The following ZNF536 variants were observed in gnomAD, a reference collection of about 807,000 sequenced individuals.
The protein encoded by ZNF536 is zinc finger protein 536.
Under a neutral mutation model 84.5 loss-of-function variants are expected in ZNF536, and 13 were observed. The observed-to-expected ratio is 0.15, with a 90% CI of 0.10 to 0.24. The LOEUF (loss-of-function observed/expected upper bound fraction) is 0.24. Among genes scored for constraint, ZNF536 ranks in the 10% least tolerant of loss-of-function variants. The pLI is 1.00. For synonymous variants in ZNF536, 811 were observed against 742.5 expected, an observed-to-expected ratio of 1.09 and a Z score of -1.50; for missense variants, 1,536 against 1,747.5, an observed-to-expected ratio of 0.88 and a Z score of 2.16.
At chr19:30,672,138 G>T (rs1430719686) in intron 1 of ZNF536, among the ~76,000 whole-genome samples, 1 of 152,228 alleles carries the variant, frequency 6.6e-6, no homozygotes, top group Admixed American at 6.5e-5. Context: ...CTTGGCCAGA[G>T]AAACTGAACC....
chr19:30,705,845 A>G (rs1168470166), intron 1 of ZNF536, among the ~76,000 whole-genome samples: 2 of 152,266 alleles, frequency 1.3e-5, no homozygotes, highest in Non-Finnish European at 2.9e-5. Context: ...AACCAATTCA[A>G]TACTAATGTT....
At chr19:30,256,114 T>C (rs919032413) in intron 1 of ZNF536, among the ~76,000 whole-genome samples, 5 of 152,176 alleles carry the variant, frequency 3.3e-5, no homozygotes, top group African/African-American at 1.2e-4. Flanking sequence ...CCACGTCCCC[T>C]ATATTTACAG....
At chr19:30,504,007 G>A (rs895138927) in intron 2 of ZNF536, among the ~76,000 whole-genome samples, 5 of 151,894 alleles carry the variant, frequency 3.3e-5, no homozygotes, top group Admixed American at 1.3e-4. Context: ...CAGTTGGGAA[G>A]TGTAACTGAT....
At chr19:30,410,961 T>C (rs2050470866) in intron 1 of ZNF536, among the ~76,000 whole-genome samples, 1 of 152,254 alleles carries the variant, frequency 6.6e-6, no homozygotes, top group Non-Finnish European at 1.5e-5. Flanking sequence ...CTAGCATTTA[T>C]ATACTTAAGA....
intron 1 of ZNF536, among the ~76,000 whole-genome samples, chr19:30,271,138 G>T (rs1411101333): frequency 6.6e-6 from 1 of 152,128 alleles, no homozygotes; most frequent in African/African-American, 2.4e-5. Flanking sequence ...ACTTTACCAT[G>T]CAATAGGCAA....
At chr19:30,588,180 T>C (rs1204159039) in intron 1 of ZNF536, among the ~76,000 whole-genome samples, 1 of 152,190 alleles carries the variant, frequency 6.6e-6, no homozygotes, top group East Asian at 1.9e-4. Context: ...TACTGGCTCA[T>C]ATGGTGGTCT....
At chr19:30,407,955 T>TCA (rs1342844113) in intron 1 of ZNF536, among the ~76,000 whole-genome samples, 50 of 152,246 alleles carry the variant, frequency 3.3e-4, no homozygotes, top group Non-Finnish European at 6.6e-4. Context: ...GTTTCCTTTG[T>TCA]TGAGAGGAAA....
chr19:30,314,922 C>T (rs2046631008), intron 2 of ZNF536, among the ~76,000 whole-genome samples: 1 of 152,178 alleles, frequency 6.6e-6, no homozygotes, highest in African/African-American at 2.4e-5. Context: ...GCCCCACTCT[C>T]CCTGCTGGCT....
rs181979067 is a variant in ZNF536 at position 30,256,996 on chromosome 19, A to G, written c.-189-27076A>G. Among the ~76,000 whole-genome samples the G allele has an allele frequency of 1.4e-3, 215 of 152,330 alleles. 1 individual carries two copies. The highest frequency in any genetic ancestry group is 5.0e-3 in the African/African-American group (206 of 41,586). ...ATGCAGTAAGAAATGAGGAATTCAG[A>G]TCTTAAAAGACCATTACAATTAGCT... On this transcript the variant is annotated intron_variant, in intron 1 of 5. Coordinates refer to the ZNF536 transcript ENST00000585628.
At chr19:30,477,580 G>C (rs1321312609) in intron 2 of ZNF536, among the ~76,000 whole-genome samples, 1 of 152,180 alleles carries the variant, frequency 6.6e-6, no homozygotes, top group Non-Finnish European at 1.5e-5. Context: ...GCAGTGGTTG[G>C]TTCCTTCTAC....
At chr19:30,370,047 T>C (rs745512857), upstream of ZNF536, among the ~76,000 whole-genome samples, 1 of 152,150 alleles carries the variant, frequency 6.6e-6, no homozygotes, top group Non-Finnish European at 1.5e-5. Context: ...TTATACGCAG[T>C]TTGGGATGCA....
At chr19:30,495,232 A>G (rs2054671936) in intron 2 of ZNF536, among the ~76,000 whole-genome samples, 1 of 152,194 alleles carries the variant, frequency 6.6e-6, no homozygotes, top group African/African-American at 2.4e-5. Context: ...GATGTTGGCT[A>G]TAAGGTATAG....
At chr19:30,695,689 G>A (rs1429775311) in intron 1 of ZNF536, among the ~76,000 whole-genome samples, 1 of 152,082 alleles carries the variant, frequency 6.6e-6, no homozygotes, top group African/African-American at 2.4e-5. Context: ...GGAGGGGTGG[G>A]CACATGTATA....
intron 1 of ZNF536, among the ~76,000 whole-genome samples, chr19:30,387,551 A>G (rs1190612799): frequency 6.6e-6 from 1 of 152,172 alleles, no homozygotes; most frequent in Admixed American, 6.5e-5. Flanking sequence ...AGCGATCCCA[A>G]TTTGGAAGCC....
intron 2 of ZNF536, among the ~76,000 whole-genome samples, chr19:30,483,531 C>T (rs904330996): frequency 7.2e-6 from 1 of 139,644 alleles, no homozygotes; most frequent in African/African-American, 2.6e-5. Flanking sequence ...GGGCATGGTC[C>T]AGGCGGTTCC....
At chr19:30,428,402 C>T (rs1027360958) in intron 1 of ZNF536, among the ~76,000 whole-genome samples, 1 of 152,170 alleles carries the variant, frequency 6.6e-6, no homozygotes, top group Non-Finnish European at 1.5e-5. Flanking sequence ...GACAAGTTGC[C>T]CCTTGGGACT....
intron 3 of ZNF536, among the ~76,000 whole-genome samples, chr19:30,536,274 G>A (rs1211407280): frequency 1.3e-5 from 2 of 152,114 alleles, no homozygotes; most frequent in Non-Finnish European, 2.9e-5. Context: ...TGCAGGACCT[G>A]TGTTCCTGCC....
chr19:30,548,473 G>A lies in ZNF536; in HGVS notation c.2854G>A (p.Val952Met), dbSNP rs2146202901. ...ADPPSMKVHG[V>M]DGGEEKPSGK... ...CCCCCCTTCCATGAAAGTCCACGGA[G>A]TGGATGGTGGTGAGGAGAAACCCAG... Residue 952 changes from valine (V) to methionine (M), a missense_variant, in exon 4 of 5, where the codon GTG (valine) becomes ATG (methionine). By Grantham distance (21) the Val-to-Met change is conservative (BLOSUM62 1). Coordinates refer to ENST00000355537, the MANE Select transcript of ZNF536 (RefSeq NM_014717.3). 6.2e-7 allele frequency: 1 copy of A among 1,614,210 alleles called. No homozygotes were observed. The highest frequency in any genetic ancestry group is 8.5e-7 in the Non-Finnish European group (1 of 1,180,050).
At chr19:30,607,879 A>G (rs2047955595) in intron 1 of ZNF536, among the ~76,000 whole-genome samples, 1 of 152,112 alleles carries the variant, frequency 6.6e-6, no homozygotes, top group Non-Finnish European at 1.5e-5. Context: ...GCTTTTTTTC[A>G]CTTAAACAGA....
Sources: allele counts gnomAD v4.1 joint callset (sites outside exome capture counted in the v4.1 genomes callset), GRCh38; gene constraint gnomAD v4.1.1; transcripts MANE v1.5; gene names NCBI Gene and HGNC (gene_info 2026-07-23, HGNC 2026-07-21).